Variants in YLPM1 observed in about 807,000 individuals in gnomAD.
YLPM1 encodes YLP motif containing 1, also known as YLP motif-containing protein 1.
In YLPM1, 99 loss-of-function variants were observed where a neutral mutation model predicts 230.0. The ratio of observed to expected loss-of-function variants is 0.43; its 90% CI spans 0.37 to 0.51. The LOEUF (loss-of-function observed/expected upper bound fraction) is 0.51, where lower values mean the gene tolerates loss of function less well. Among genes scored for constraint, YLPM1 ranks in the 20% least tolerant of loss-of-function variants. The pLI is 0.00. For missense variants in YLPM1, 2,592 were observed against 2,707.7 expected, an observed-to-expected ratio of 0.96 and a Z score of 0.95; for synonymous variants, 984 against 942.5, an observed-to-expected ratio of 1.04 and a Z score of -0.81.
chr14:74,795,644 A>G (rs2091252592), intron 4 of YLPM1, among the ~76,000 whole-genome samples: 1 of 152,236 alleles, frequency 6.6e-6, no homozygotes, highest in Non-Finnish European at 1.5e-5. Context: ...TAGACTAGGC[A>G]TCACCTTCAC....
intron 1 of YLPM1, 121 bp from the exon 2 acceptor site, chr14:74,778,326 G>C: frequency 1.2e-6 from 1 of 835,366 alleles, no homozygotes; most frequent in Non-Finnish European, 1.8e-6. Flanking sequence ...CCTCAGTCTA[G>C]CTTTGCCTTT....
chr14:74,808,694 C>T (rs2091402992), intron 6 of YLPM1, among the ~76,000 whole-genome samples: 1 of 151,650 alleles, frequency 6.6e-6, no homozygotes, highest in African/African-American at 2.4e-5. Context: ...ATCCCAGTTA[C>T]TCAGAAGGCT....
rs1236810927 is a variant in YLPM1 at position 74,803,576 on chromosome 14, C to T, written c.4521+900C>T. ...CAGATCGGATCTCCTGACCTTTGTA[C>T]GCATCTACCTGTCTGCAGGGTTTCT... On this transcript the variant is annotated intron_variant, in intron 6 of 20. Transcript: ENST00000325680. Among the ~76,000 whole-genome samples, 8 of 152,182 alleles carry T rather than the reference C, an allele frequency of 5.3e-5. No homozygotes were observed. In the East Asian group the frequency reaches 1.3e-3, roughly 26 times the overall value.
At chr14:74,771,923 A>T (rs1276812570) in intron 1 of YLPM1, among the ~76,000 whole-genome samples, 10 of 152,208 alleles carry the variant, frequency 6.6e-5, no homozygotes, top group African/African-American at 2.4e-4. Flanking sequence ...TGTGAATCTC[A>T]AAAATATTTA....
chr14:74,781,249 A>C (rs2091088763), intron 3 of YLPM1, 85 bp from the exon 4 acceptor site: 1 of 1,398,102 alleles, frequency 7.2e-7, no homozygotes, highest in Admixed American at 2.9e-5. Context: ...AAAGCGTCAA[A>C]TGCCCTTGAT....
rs1482217758 is a variant in YLPM1 at position 74,799,337 on chromosome 14, G to T, written c.4040G>T (p.Arg1347Leu). ...CCTCTTCCACCTTTGGATAGATATC[G>T]GGATGATAGATGGAGAGAAGAAAGA... ...LPPLPPLDRY[R>L]DDRWREERNR... Residue 1347 changes from arginine to leucine, a missense_variant, in exon 5 of 21, where the codon CGG (arginine) becomes CTG (leucine). Arg to Leu is a moderately radical substitution (Grantham distance 102). Coordinates refer to ENST00000325680, the MANE Select transcript of YLPM1 (RefSeq NM_019589.3). The T allele has an allele frequency of 6.2e-7, 1 of 1,613,860 alleles. No individual in the cohort carries two copies. The highest frequency in any genetic ancestry group is 1.7e-5 in the Admixed American group (1 of 60,000).
chr14:74,834,195 A>C (rs1209223149), intron 19 of YLPM1, among the ~76,000 whole-genome samples: 1 of 151,504 alleles, frequency 6.6e-6, no homozygotes. Context: ...AAAAAAAAAA[A>C]AAAAATTACA....
intron 19 of YLPM1, among the ~76,000 whole-genome samples, chr14:74,833,167 C>T (rs2140148335): frequency 6.6e-6 from 1 of 152,202 alleles, no homozygotes; most frequent in African/African-American, 2.4e-5. Flanking sequence ...CATAAATGCC[C>T]AAGACTTAGT....
Position 74,809,933 on chromosome 14 carries a change from C to G in YLPM1, c.4963C>G (p.Gln1655Glu). ...AGATATATCCACTAATAAAGTTGAA[C>G]AGATACCTTATGGAGAAAGAATAAC... ...GRDISTNKVE[Q>E]IPYGERITLR... The change falls in exon 8 of 21, where the codon CAG becomes GAG. Residue 1655 changes from glutamine (Q) to glutamate (E), a missense_variant. By Grantham distance (29) the Gln-to-Glu change is conservative. This residue lies in a region of YLPM1 where 403 missense variants were observed against 426.7 expected (regional missense o/e 0.94). Coordinates refer to ENST00000325680, the MANE Select transcript of YLPM1 (RefSeq NM_019589.3). 2 of 1,609,300 alleles carry G rather than the reference C, an allele frequency of 1.2e-6. No homozygotes were observed. Among genetic ancestry groups the G allele is most frequent in the Non-Finnish European group, 1.7e-6 (2 of 1,177,488 alleles).
chr14:74,801,297 G>A (rs560174846), intron 5 of YLPM1, among the ~76,000 whole-genome samples: 15 of 152,232 alleles, frequency 9.9e-5, no homozygotes, highest in African/African-American at 3.4e-4. Flanking sequence ...TAAGGGATGT[G>A]ATGATGGGAT....
At chr14:74,764,421 C>T (rs1490503509) in intron 1 of YLPM1, 59 bp downstream of exon 1, 5 of 1,492,944 alleles carry the variant, frequency 3.3e-6, no homozygotes, top group Non-Finnish European at 4.5e-6. Context: ...ATGAGCAGGC[C>T]TCAGGGCTTT....
At chr14:74,793,368 T>G (rs896055437) in intron 4 of YLPM1, among the ~76,000 whole-genome samples, 7 of 152,214 alleles carry the variant, frequency 4.6e-5, no homozygotes, top group African/African-American at 1.4e-4. Context: ...TTGTACTTCC[T>G]GAGATACTTT....
Position 74,799,377 on chromosome 14 carries a change from G to A in YLPM1, c.4080G>A (p.Gly1360=). 4 of 1,614,012 alleles carry A rather than the reference G, an allele frequency of 2.5e-6. No individual in the cohort carries two copies. Among genetic ancestry groups the A allele is most frequent in the Non-Finnish European group, 3.4e-6 (4 of 1,179,890 alleles). ...RWREERNREH[G]YDRDFRDRGE... ...GAGAAGAAAGAAATCGAGAGCATGG[G>A]TATGATCGAGATTTCCGTGATAGGG... is the stretch of plus-strand genomic sequence containing the variant. Residue 1360 remains glycine, a synonymous_variant, in exon 5 of 21, where the codon GGG becomes GGA. Transcript: ENST00000325680.
intron 5 of YLPM1, among the ~76,000 whole-genome samples, chr14:74,801,079 C>CT (rs941533179): frequency 1.3e-5 from 2 of 151,478 alleles, no homozygotes; most frequent in East Asian, 1.9e-4. Context: ...GCCAAGGTTT[C>CT]TTTTTTTTTC....
At chr14:74,808,845 A>T (rs769375304) in intron 6 of YLPM1, among the ~76,000 whole-genome samples, 5 of 152,060 alleles carry the variant, frequency 3.3e-5, no homozygotes, top group Non-Finnish European at 5.9e-5. Flanking sequence ...TTTTGAGAGA[A>T]ATTGGCAAAG....
At chr14:74,833,196 A>G (rs1009858577) in intron 19 of YLPM1, among the ~76,000 whole-genome samples, 2 of 152,148 alleles carry the variant, frequency 1.3e-5, no homozygotes, top group Non-Finnish European at 2.9e-5. Context: ...ATCTTTCGCT[A>G]AAATGTGTAT....
rs1050945909 is a variant in YLPM1, at chr14:74,781,508, A to G, written c.1465A>G (p.Met489Val). The change falls in exon 4 of 21, where the codon ATG becomes GTG. Residue 489 changes from methionine to valine, a missense_variant. Physicochemically the swap from Met to Val is conservative, Grantham distance 21. Around this residue, in one of 4 missense-constraint regions of YLPM1, gnomAD observed 1,862 missense variants for 1,819.8 expected, o/e 1.02. Coordinates refer to ENST00000325680, the MANE Select transcript of YLPM1 (RefSeq NM_019589.3). ...GCAGTGGAAAACATGGCAGGGACAT[A>G]TGAAAGCCACTCAGAGCTATCTCCA... is the stretch of plus-strand genomic sequence containing the variant. ...EKQWKTWQGH[M>V]KATQSYLQEK... 7 of 1,613,860 alleles carry G rather than the reference A, an allele frequency of 4.3e-6. No homozygotes were observed. The highest frequency in any genetic ancestry group is 5.9e-6 in the Non-Finnish European group (7 of 1,179,884).
At position 74,763,537 on chromosome 14, in the gene YLPM1, G is replaced by C. The variant is rs1177866404; in HGVS notation, c.48G>C (p.Pro16=). 1 of 1,508,334 alleles carries C rather than the reference G, an allele frequency of 6.6e-7. No individual in the cohort carries two copies. Among genetic ancestry groups the C allele is most frequent in the Non-Finnish European group, 8.9e-7 (1 of 1,125,792 alleles). 93.4% of individuals were successfully genotyped at this position (1,508,334 alleles called of 1,614,324 possible). A position where few individuals can be genotyped will look rare whatever the true frequency, so the allele number is the denominator to read the frequency against. ...ATGGCGGGAGCAGCCACTATCCGCC[G>C]CCACCGGTCCCACCGCCGCCGCCAG... ...GRYGGSSHYP[P]PPVPPPPPVA... Residue 16 remains proline (P), a synonymous_variant, in exon 1 of 21, where the codon CCG becomes CCC. Transcript: ENST00000325680.
At chr14:74,784,287 C>T (rs1295238718) in intron 4 of YLPM1, among the ~76,000 whole-genome samples, 3 of 152,162 alleles carry the variant, frequency 2.0e-5, no homozygotes, top group Non-Finnish European at 4.4e-5. Context: ...AAAATAACTT[C>T]TCAAGTTAAT....
Sources: gnomAD v4.1 joint callset for allele counts (sites outside exome capture counted in the v4.1 genomes callset) on GRCh38, gnomAD v4.1.1 for gene constraint, gnomAD v4.1.1 regional missense constraint, MANE v1.5 for transcripts, NCBI Gene and HGNC (gene_info 2026-07-23, HGNC 2026-07-21) for gene names.